ADAMTSL1: variants seen among roughly 807,000 people sequenced by gnomAD.
The protein encoded by ADAMTSL1 is ADAMTS like 1.
Under a neutral mutation model 201.8 loss-of-function variants are expected in ADAMTSL1, and 126 were observed. The ratio of observed to expected loss-of-function variants is 0.62; its 90% CI spans 0.54 to 0.72. ADAMTSL1 has a LOEUF of 0.72. ADAMTSL1 is among the 30% of genes least tolerant of loss of function. The pLI is 0.00. For missense variants in ADAMTSL1, 2,679 were observed against 2,277.8 expected, an observed-to-expected ratio of 1.18 and a Z score of -3.59; for synonymous variants, 1,121 against 903.4, an observed-to-expected ratio of 1.24 and a Z score of -4.32.
intron 2 of ADAMTSL1, among the ~76,000 whole-genome samples, chr9:18,425,617 G>A (rs1156362838): frequency 6.6e-6 from 1 of 152,088 alleles, no homozygotes. Context: ...CTGCTCAGGA[G>A]GCTGAGGAGG....
At chr9:18,559,435 T>C (rs993112542) in intron 3 of ADAMTSL1, among the ~76,000 whole-genome samples, 2 of 152,202 alleles carry the variant, frequency 1.3e-5, no homozygotes, top group African/African-American at 4.8e-5. Flanking sequence ...TGAAGTCAGG[T>C]AATGTGATAC....
At chr9:18,095,281 C>G (rs760063579) in intron 1 of ADAMTSL1, among the ~76,000 whole-genome samples, 12 of 152,136 alleles carry the variant, frequency 7.9e-5, no homozygotes, top group Non-Finnish European at 1.8e-4. Context: ...GAGATTTAAA[C>G]TAATGGATTT....
At chr9:18,712,426 C>G (rs1832674080) in intron 14 of ADAMTSL1, among the ~76,000 whole-genome samples, 1 of 151,480 alleles carries the variant, frequency 6.6e-6, no homozygotes, top group South Asian at 2.1e-4. Flanking sequence ...AGCTGAAAAC[C>G]AAGGCTCCAG....
At chr9:18,907,138 G>A in intron 28 of ADAMTSL1, 1 of 549,456 alleles carries the variant, frequency 1.8e-6, no homozygotes, top group Non-Finnish European at 3.2e-6. Flanking sequence ...CTCCATCCTG[G>A]CCCTGAGAGA....
intron 1 of ADAMTSL1, among the ~76,000 whole-genome samples, chr9:18,082,512 A>T (rs1180636576): frequency 2.0e-5 from 3 of 152,160 alleles, no homozygotes; most frequent in African/African-American, 7.2e-5. Context: ...GGGTTTCACC[A>T]TGTTGGCAGG....
chr9:18,243,810 T>C (rs1340789751), intron 2 of ADAMTSL1, among the ~76,000 whole-genome samples: 1 of 152,094 alleles, frequency 6.6e-6, no homozygotes, highest in Non-Finnish European at 1.5e-5. Flanking sequence ...CCACTGCTGC[T>C]TCATAGCCTG....
chr9:18,881,724 T>G (rs1828548409), intron 23 of ADAMTSL1, among the ~76,000 whole-genome samples: 1 of 152,164 alleles, frequency 6.6e-6, no homozygotes, highest in Non-Finnish European at 1.5e-5. Context: ...TTGTAACAAA[T>G]GCAGGATCCA....
chr9:18,255,763 A>G (rs2081042089), intron 2 of ADAMTSL1, among the ~76,000 whole-genome samples: 1 of 151,394 alleles, frequency 6.6e-6, no homozygotes, highest in Non-Finnish European at 1.5e-5. Context: ...TCGAAATCCC[A>G]CTCCTTGCCC....
rs57914274 is a variant in ADAMTSL1 at position 18,599,996 on chromosome 9, CAAAA to C, written c.475-22225_475-22222del. Among the ~76,000 whole-genome samples, 20 of 86,948 alleles carry C rather than the reference CAAAA, an allele frequency of 2.3e-4. 1 individual carries two copies. In the East Asian group the frequency reaches 6.5e-3, roughly 28 times the overall value. 57.0% of individuals were successfully genotyped at this position (86,948 alleles called of 152,430 possible). A position where few individuals can be genotyped will look rare whatever the true frequency, so the allele number is the denominator to read the frequency against. ...TGAAACCTCGTCTCTACTAAAAATACAAAAAAAAAAAAAAAAAAAAAAAAATTCG... is the reference window on the plus strand; with the variant it reads ...TGAAACCTCGTCTCTACTAAAAATACAAAAAAAAAAAAAAAAAAAAATTCG... On this transcript the variant is annotated intron_variant, in intron 4 of 28. Coordinates refer to ENST00000380548, the MANE Select transcript of ADAMTSL1 (RefSeq NM_001040272.6).
At chr9:18,099,356 T>TATATATATATATATA (rs60877701) in intron 1 of ADAMTSL1, among the ~76,000 whole-genome samples, 105 of 39,540 alleles carry the variant, frequency 2.7e-3, no homozygotes, top group Non-Finnish European at 3.5e-3. Flanking sequence ...TATATATATA[T>TATATATATATATATA]TTTTTTTTTT....
chr9:18,423,815 T>G (rs984968059), intron 2 of ADAMTSL1, among the ~76,000 whole-genome samples: 3 of 152,214 alleles, frequency 2.0e-5, no homozygotes, highest in Non-Finnish European at 4.4e-5. Flanking sequence ...TAGGATGGCT[T>G]CCATTATCTT....
Position 18,777,658 on chromosome 9 carries a change from C to T in ADAMTSL1, c.3429C>T (p.Ser1143=), listed in dbSNP as rs747947405. ...ATAAACACGTGTCTGGCTTCAGCAGCTCCCTGCGGACCTCCTCCACCGGGG... is the reference window on the plus strand; with the variant it reads ...ATAAACACGTGTCTGGCTTCAGCAGTTCCCTGCGGACCTCCTCCACCGGGG... ...SPHKHVSGFS[S]SLRTSSTGDA... Residue 1143 remains serine, a synonymous_variant, in exon 19 of 29, where the codon AGC becomes AGT. Coordinates refer to ENST00000380548, the MANE Select transcript of ADAMTSL1 (RefSeq NM_001040272.6). 6.2e-7 allele frequency: 1 copy of T among 1,613,666 alleles called. No homozygotes were observed. The highest frequency in any genetic ancestry group is 8.5e-7 in the Non-Finnish European group (1 of 1,179,834).
At chr9:18,594,571 T>C (rs1233061787) in intron 4 of ADAMTSL1, among the ~76,000 whole-genome samples, 5 of 152,214 alleles carry the variant, frequency 3.3e-5, no homozygotes, top group Non-Finnish European at 7.3e-5. Context: ...GCACTGATTG[T>C]TTCTTCTGTT....
intron 19 of ADAMTSL1, 117 bp from the exon 20 acceptor site, chr9:18,795,280 G>C (rs1409185994): frequency 7.4e-7 from 1 of 1,358,066 alleles, no homozygotes; most frequent in African/African-American, 1.5e-5. Flanking sequence ...GTTTGTCTCT[G>C]TTGTTAAAAC....
chr9:18,410,536 C>T (rs745883047), intron 2 of ADAMTSL1, among the ~76,000 whole-genome samples: 4 of 152,272 alleles, frequency 2.6e-5, no homozygotes, highest in Non-Finnish European at 5.9e-5. Flanking sequence ...ACATCCATGT[C>T]CCTGCAAAGG....
At chr9:18,581,799 G>A (rs886367861) in intron 4 of ADAMTSL1, among the ~76,000 whole-genome samples, 2 of 152,168 alleles carry the variant, frequency 1.3e-5, no homozygotes, top group African/African-American at 2.4e-5. Context: ...TAGATTTCAA[G>A]GCCTGAGAAT....
intron 2 of ADAMTSL1, among the ~76,000 whole-genome samples, chr9:18,224,296 T>C (rs1312545567): frequency 6.6e-6 from 1 of 152,262 alleles, no homozygotes; most frequent in East Asian, 1.9e-4. Context: ...GATGGTGCCC[T>C]GAATGCTATA....
intron 1 of ADAMTSL1, among the ~76,000 whole-genome samples, chr9:17,924,960 C>T (rs1296590081): frequency 7.8e-6 from 1 of 128,478 alleles, no homozygotes; most frequent in African/African-American, 2.8e-5. Context: ...ACTCATCTGA[C>T]AAAGGGCTAA....
At chr9:18,277,887 C>T (rs984789366) in intron 2 of ADAMTSL1, among the ~76,000 whole-genome samples, 11 of 151,950 alleles carry the variant, frequency 7.2e-5, no homozygotes, top group African/African-American at 2.4e-4. Context: ...TTGTTGTCTT[C>T]CTTTGTGATT....
Sources: allele counts gnomAD v4.1 joint callset (sites outside exome capture counted in the v4.1 genomes callset), GRCh38; gene constraint gnomAD v4.1.1; transcripts MANE v1.5; gene names NCBI Gene and HGNC (gene_info 2026-07-23, HGNC 2026-07-21).